Variants in L3MBTL4 observed in about 807,000 individuals in gnomAD.
The protein encoded by L3MBTL4 is L3MBTL histone methyl-lysine binding protein 4.
In L3MBTL4, 70 loss-of-function variants were observed where a neutral mutation model predicts 84.5. The ratio of observed to expected loss-of-function variants is 0.83; its 90% CI spans 0.68 to 1.01. L3MBTL4 has a LOEUF of 1.01. Ranked by LOEUF, L3MBTL4 falls within the 50% of genes least tolerant of loss-of-function variation. L3MBTL4 has a pLI of 0.00. For synonymous variants in L3MBTL4, 274 were observed against 259.8 expected (o/e 1.05, Z -0.52); for missense variants, 715 against 754.8 (o/e 0.95, Z 0.62).
At chr18:6,319,302 A>G (rs1188515441) in intron 1 of L3MBTL4, among the ~76,000 whole-genome samples, 3 of 152,044 alleles carry the variant, frequency 2.0e-5, no homozygotes, top group Non-Finnish European at 4.4e-5. Context: ...AACAACAACA[A>G]CAACAAAAAA....
intron 12 of L3MBTL4, among the ~76,000 whole-genome samples, chr18:6,187,887 G>A (rs936106166): frequency 6.7e-6 from 1 of 149,716 alleles, no homozygotes; most frequent in Non-Finnish European, 1.5e-5. Context: ...AAAAAAAGTG[G>A]TGTCTGCTCT....
intron 6 of L3MBTL4, 109 bp downstream of exon 6, chr18:6,244,374 TA>T (rs2047571456): frequency 1.5e-6 from 1 of 668,688 alleles, no homozygotes; most frequent in African/African-American, 1.8e-5. Context: ...AATAAATCCA[TA>T]ATGCACTGGA....
intron 3 of L3MBTL4, among the ~76,000 whole-genome samples, chr18:6,302,555 A>T (rs953052302): frequency 1.3e-5 from 2 of 152,224 alleles, no homozygotes; most frequent in African/African-American, 4.8e-5. Flanking sequence ...TTGAAGGAAC[A>T]TTTACCATTC....
At chr18:6,093,334 C>G (rs1598725787) in intron 15 of L3MBTL4, 21 bp downstream of exon 15, 1 of 1,577,634 alleles carries the variant, frequency 6.3e-7, no homozygotes, top group Non-Finnish European at 8.6e-7. Context: ...TTCTGGCTCA[C>G]ATTTTTAAGA....
chr18:6,343,397 C>T (rs779672255), intron 1 of L3MBTL4, among the ~76,000 whole-genome samples: 7 of 152,132 alleles, frequency 4.6e-5, no homozygotes, highest in Non-Finnish European at 7.4e-5. Context: ...GGTGCGGTGG[C>T]TCATGCCTGT....
chr18:6,262,840 C>T (rs530325932), intron 5 of L3MBTL4, among the ~76,000 whole-genome samples: 4 of 152,224 alleles, frequency 2.6e-5, no homozygotes, highest in Admixed American at 6.5e-5. Context: ...TTTTCTTCTT[C>T]GCTATACCTC....
At chr18:5,957,786 C>T (rs1003539920) in intron 18 of L3MBTL4, among the ~76,000 whole-genome samples, 22 of 151,212 alleles carry the variant, frequency 1.5e-4, no homozygotes, top group African/African-American at 4.9e-4. Context: ...TGAGACCCCC[C>T]GCCCCTGCTC....
In L3MBTL4 at chr18:6,093,362, G is replaced by C; in HGVS notation, c.1366C>G (p.Gln456Glu). 2 of 1,606,596 alleles carry C rather than the reference G, an allele frequency of 1.2e-6. No homozygotes were observed. The highest frequency in any genetic ancestry group is 1.7e-6 in the Non-Finnish European group (2 of 1,178,046). The change falls in exon 15 of 19, where the codon CAG becomes GAG. Residue 456 changes from glutamine (Q) to glutamate (E), a missense_variant. Coordinates refer to ENST00000317931, the MANE Select transcript of L3MBTL4 (RefSeq NM_001330559.2). Reference sequence around the variant, plus strand: ...TTTTAAGAAGTTTCTTACCTGGGCTGACTGTTCACCTTTTCATGTTTTCCA... The same window carrying C: ...TTTTAAGAAGTTTCTTACCTGGGCTCACTGTTCACCTTTTCATGTTTTCCA... ...FNGKHEKVNSQPRLVQQAKCL... is the reference protein window; with the variant it reads ...FNGKHEKVNSEPRLVQQAKCL...
chr18:6,242,949 G>C (rs2047513186), intron 7 of L3MBTL4, among the ~76,000 whole-genome samples: 1 of 152,074 alleles, frequency 6.6e-6, no homozygotes, highest in Non-Finnish European at 1.5e-5. Flanking sequence ...CTGTATCATT[G>C]ATTAGATATT....
intron 1 of L3MBTL4, among the ~76,000 whole-genome samples, chr18:6,373,303 C>G (rs1360539562): frequency 1.3e-5 from 2 of 152,162 alleles, no homozygotes; most frequent in African/African-American, 2.4e-5. Flanking sequence ...ATCAAACCTT[C>G]CCAAAGGGCA....
chr18:6,190,944 G>A (rs1447853780), intron 12 of L3MBTL4, among the ~76,000 whole-genome samples: 2 of 152,176 alleles, frequency 1.3e-5, no homozygotes, highest in African/African-American at 2.4e-5. Context: ...AAAGCAAGAA[G>A]TCTAGTTTGG....
intron 10 of L3MBTL4, among the ~76,000 whole-genome samples, chr18:6,230,712 T>G (rs1371238737): frequency 6.6e-6 from 1 of 152,200 alleles, no homozygotes; most frequent in Admixed American, 6.5e-5. Context: ...CCACCCGCAA[T>G]GTATAAGTGT....
chr18:6,306,431 A>T lies in L3MBTL4; in HGVS notation c.73-4474T>A, dbSNP rs183324904. Among the ~76,000 whole-genome samples the T allele has an allele frequency of 7.2e-5, 11 of 152,364 alleles. No individual in the cohort carries two copies. In the East Asian group the frequency reaches 2.1e-3, roughly 29 times the overall value. On this transcript the variant is annotated intron_variant, in intron 3 of 18. Coordinates refer to ENST00000317931, the MANE Select transcript of L3MBTL4 (RefSeq NM_001330559.2). Reference sequence around the variant, plus strand: ...AAAGCAAAAAATATAACAAAGCCTTATAAATACATGAATTTTACTGACTGT... The same window carrying T: ...AAAGCAAAAAATATAACAAAGCCTTTTAAATACATGAATTTTACTGACTGT...
intron 1 of L3MBTL4, among the ~76,000 whole-genome samples, chr18:6,315,853 T>G (rs1193099145): frequency 6.6e-6 from 1 of 152,194 alleles, no homozygotes; most frequent in African/African-American, 2.4e-5. Context: ...TTAAAAAATT[T>G]TGCCTTTATT....
At chr18:6,025,878 T>A (rs1418940450) in intron 16 of L3MBTL4, among the ~76,000 whole-genome samples, 1 of 152,238 alleles carries the variant, frequency 6.6e-6, no homozygotes, top group Non-Finnish European at 1.5e-5. Context: ...CACTTCCTGC[T>A]GCGCAGCCTG....
At chr18:6,186,002 A>ATTTATTTTATTTTATTTTATTT (rs542901226) in intron 12 of L3MBTL4, among the ~76,000 whole-genome samples, 1 of 134,182 alleles carries the variant, frequency 7.5e-6, no homozygotes, top group African/African-American at 3.8e-5. Flanking sequence ...TTATTATTTT[A>ATTTATTTTATTTTATTTTATTT]TATTTTATTT....
chr18:6,047,718 C>A (rs1264365961), intron 16 of L3MBTL4, among the ~76,000 whole-genome samples: 1 of 152,160 alleles, frequency 6.6e-6, no homozygotes, highest in Non-Finnish European at 1.5e-5. Flanking sequence ...ATGTTAAAAA[C>A]CCTCAACAGA....
At chr18:6,241,214 T>C in intron 8 of L3MBTL4, 144 bp downstream of exon 8, 1 of 600,040 alleles carries the variant, frequency 1.7e-6, no homozygotes, top group Non-Finnish European at 3.0e-6. Context: ...CACAAGAAAC[T>C]GACGAATTAG....
intron 4 of L3MBTL4, among the ~76,000 whole-genome samples, chr18:6,295,640 T>C (rs995043211): frequency 1.1e-4 from 16 of 152,172 alleles, no homozygotes; most frequent in Admixed American, 8.5e-4. Context: ...TGTTAGAAAG[T>C]AGTGTTTTCA....
Sources: allele counts gnomAD v4.1 joint callset (sites outside exome capture counted in the v4.1 genomes callset), GRCh38; gene constraint gnomAD v4.1.1; transcripts MANE v1.5; gene names NCBI Gene and HGNC (gene_info 2026-07-23, HGNC 2026-07-21).